Variants in AFG2B observed in about 807,000 individuals in gnomAD.
AFG2B encodes the protein ATPase family gene 2 protein homolog B.
chr15:45,409,201 C>A, the AFG2B span, among the ~76,000 whole-genome samples: 2 of 151,890 alleles, frequency 1.3e-5, no homozygotes, highest in Admixed American at 6.6e-5. Flanking sequence ...CATGGGGAAA[C>A]CCCGTCTCTG....
the AFG2B span, among the ~76,000 whole-genome samples, chr15:45,410,002 A>G: frequency 6.6e-6 from 1 of 152,252 alleles, no homozygotes; most frequent in South Asian, 2.1e-4. Flanking sequence ...GTATTATGGA[A>G]TTGTCAAAAA....
At chr15:45,416,914 A>T in the AFG2B span, 1 of 161,256 alleles carries the variant, frequency 6.2e-6, no homozygotes, top group East Asian at 1.8e-4. Context: ...GGTCATAAGT[A>T]TCTGTCTTTT....
At chr15:45,417,353 C>T in the AFG2B span, 1 of 1,613,920 alleles carries the variant, frequency 6.2e-7, no homozygotes, top group Non-Finnish European at 8.5e-7. Flanking sequence ...TTGTTACGAC[C>T]TGGAAGATTA....
At chr15:45,415,655 A>C in the AFG2B span, 1 of 1,614,160 alleles carries the variant, frequency 6.2e-7, no homozygotes, top group Non-Finnish European at 8.5e-7. Flanking sequence ...CAATCTTGGG[A>C]GCTCGCTCAG....
chr15:45,406,870 G>C, the AFG2B span, among the ~76,000 whole-genome samples: 99 of 152,302 alleles, frequency 6.5e-4, no homozygotes, highest in African/African-American at 2.2e-3. Context: ...TCTTCTAGTT[G>C]ATCTTTTAAG....
At chr15:45,403,237 C>T in the AFG2B span, 1 of 1,547,532 alleles carries the variant, frequency 6.5e-7, no homozygotes, top group Non-Finnish European at 8.6e-7. Context: ...CGCCCCGGCG[C>T]TGCAGGGTTC....
the AFG2B span, chr15:45,402,760 G>A: frequency 1.3e-6 from 2 of 1,578,474 alleles, no homozygotes; most frequent in Non-Finnish European, 1.7e-6. Flanking sequence ...GCGGCGCGTC[G>A]CCGTGTGGCC....
At chr15:45,410,247 G>A in the AFG2B span, 3 of 1,058,488 alleles carry the variant, frequency 2.8e-6, no homozygotes, top group African/African-American at 1.6e-5. Flanking sequence ...TATATAAATT[G>A]TTTTTATAAT....
chr15:45,417,619 C>A, the AFG2B span: 1 of 462,250 alleles, frequency 2.2e-6, no homozygotes, highest in South Asian at 3.0e-5. Context: ...TGTGTTGTGG[C>A]AGACTCTAAA....
chr15:45,402,619 C>A, the AFG2B span: 9 of 1,576,860 alleles, frequency 5.7e-6, no homozygotes, highest in Non-Finnish European at 6.9e-6. Flanking sequence ...TGCCTGGCCT[C>A]GGCGGGACGG....
At chr15:45,405,262 A>G in the AFG2B span, 7 of 1,483,950 alleles carry the variant, frequency 4.7e-6, no homozygotes, top group East Asian at 4.9e-5. Flanking sequence ...AACTTTAAAA[A>G]TAATATATTT....
chr15:45,411,517 T>C, the AFG2B span, among the ~76,000 whole-genome samples: 2 of 152,252 alleles, frequency 1.3e-5, no homozygotes, highest in East Asian at 3.9e-4. Flanking sequence ...AGAGTCCCAC[T>C]GTGCTACTCA....
the AFG2B span, chr15:45,402,399 T>A: frequency 1.9e-6 from 3 of 1,559,300 alleles, no homozygotes; most frequent in African/African-American, 4.3e-5. Flanking sequence ...TTTCCTAATC[T>A]GGTTTCGTCT....
At chr15:45,407,583 A>G in the AFG2B span, among the ~76,000 whole-genome samples, 1 of 152,250 alleles carries the variant, frequency 6.6e-6, no homozygotes, top group African/African-American at 2.4e-5. Flanking sequence ...TTCATGAGAA[A>G]TGAAGATAGA....
chr15:45,403,676 A>G, the AFG2B span, among the ~76,000 whole-genome samples: 18,150 of 152,060 alleles, frequency 0.12, 3,623 homozygotes, highest in African/African-American at 0.41. Context: ...CTGCCGATAT[A>G]TGATCTGTGA....
the AFG2B span, chr15:45,403,003 T>G: frequency 6.3e-7 from 1 of 1,589,020 alleles, no homozygotes; most frequent in Non-Finnish European, 8.5e-7. Context: ...GGAGCCTCCG[T>G]CGGAAGCCCA....
chr15:45,404,261 C>T, the AFG2B span, among the ~76,000 whole-genome samples: 4 of 152,148 alleles, frequency 2.6e-5, no homozygotes, highest in Non-Finnish European at 5.9e-5. Context: ...CTTGCACTAT[C>T]TAGTACCTGT....
chr15:45,403,041 T>C, the AFG2B span: 1 of 1,566,518 alleles, frequency 6.4e-7, no homozygotes, highest in Non-Finnish European at 8.6e-7. Flanking sequence ...CCCTGGGAGG[T>C]CTTTCGGAGG....
chr15:45,414,487 G>A, the AFG2B span: 12 of 1,314,304 alleles, frequency 9.1e-6, no homozygotes, highest in South Asian at 1.3e-4. Context: ...GCTGAGAATT[G>A]TTAAATGAAG....
Sources: allele counts gnomAD v4.1 joint callset (sites outside exome capture counted in the v4.1 genomes callset), GRCh38; gene constraint gnomAD v4.1.1; transcripts MANE v1.5; gene names NCBI Gene and HGNC (gene_info 2026-07-23, HGNC 2026-07-21).